The following DSCAM variants were observed in gnomAD, a reference collection of about 807,000 sequenced individuals.
DSCAM encodes the protein DS cell adhesion molecule, also known as cell adhesion molecule DSCAM.
A neutral mutation model predicts 217.7 loss-of-function variants in DSCAM; 47 were observed. That is an observed-to-expected ratio of 0.22 (90% confidence interval 0.17 to 0.28). DSCAM has a LOEUF of 0.28. DSCAM is among the 10% of genes least tolerant of loss of function. The pLI, the probability that DSCAM is intolerant of heterozygous loss-of-function variation, is 1.00. For missense variants in DSCAM, 2,080 were observed against 2,618.3 expected (o/e 0.79, Z 4.49); for synonymous variants, 1,056 against 1,015.3 (o/e 1.04, Z -0.76).
At chr21:40,763,821 C>T (rs563490838) in intron 1 of DSCAM, among the ~76,000 whole-genome samples, 4 of 152,226 alleles carry the variant, frequency 2.6e-5, no homozygotes, top group Admixed American at 2.0e-4. Context: ...CTTTGGAAAA[C>T]GTGACAAGAA....
intron 10 of DSCAM, among the ~76,000 whole-genome samples, chr21:40,278,736 A>AGGAGGAGGAGGAGGAAGAGG (rs1555898222): frequency 1.1e-4 from 17 of 151,548 alleles, no homozygotes; most frequent in South Asian, 2.1e-4. Flanking sequence ...GGAGGAAGAG[A>AGGAGGAGGAGGAGGAAGAGG]AGGAGGAGGA....
chr21:40,032,209 T>C (rs991650424), intron 32 of DSCAM, among the ~76,000 whole-genome samples: 4 of 152,188 alleles, frequency 2.6e-5, no homozygotes, highest in African/African-American at 7.2e-5. Context: ...GTGTGGGAAC[T>C]GTATCCATCT....
At chr21:40,613,785 C>T (rs1381937654) in intron 3 of DSCAM, among the ~76,000 whole-genome samples, 1 of 149,710 alleles carries the variant, frequency 6.7e-6, no homozygotes, top group Non-Finnish European at 1.5e-5. Flanking sequence ...TGCTGATGGG[C>T]TATAATTTAG....
intron 8 of DSCAM, among the ~76,000 whole-genome samples, chr21:40,330,279 TTATTA>T (rs1168638304): frequency 2.7e-5 from 4 of 147,098 alleles, no homozygotes; most frequent in Admixed American, 6.8e-5. Context: ...CAAAATATAT[TTATTA>T]TATTATATGC....
intron 1 of DSCAM, among the ~76,000 whole-genome samples, chr21:40,815,037 C>T (rs1045683140): frequency 6.6e-6 from 1 of 152,196 alleles, no homozygotes; most frequent in South Asian, 2.1e-4. Context: ...ATTTGATCTG[C>T]TTCAGAAAGA....
intron 20 of DSCAM, among the ~76,000 whole-genome samples, chr21:40,118,252 CT>C (rs1384270401): frequency 2.0e-5 from 3 of 152,164 alleles, no homozygotes; most frequent in Non-Finnish European, 4.4e-5. Context: ...AGTGGGAAGG[CT>C]TCTGACTTGG....
intron 25 of DSCAM, among the ~76,000 whole-genome samples, chr21:40,079,909 C>A (rs1196469665): frequency 6.6e-6 from 1 of 152,002 alleles, no homozygotes; most frequent in Non-Finnish European, 1.5e-5. Context: ...CACACCAACG[C>A]CCTTGATTTT....
At chr21:40,353,352 G>T in intron 5 of DSCAM, 113 bp downstream of exon 5, 2 of 1,400,198 alleles carry the variant, frequency 1.4e-6, no homozygotes, top group Non-Finnish European at 1.9e-6. Flanking sequence ...GATCTCAGCT[G>T]GACTGTTTTG....
At chr21:40,491,069 G>A (rs962362729) in intron 3 of DSCAM, among the ~76,000 whole-genome samples, 1 of 152,080 alleles carries the variant, frequency 6.6e-6, no homozygotes, top group Admixed American at 6.6e-5. Flanking sequence ...TAAGATGTTT[G>A]TAAAATTTCA....
intron 3 of DSCAM, among the ~76,000 whole-genome samples, chr21:40,554,603 T>C (rs1002954277): frequency 1.3e-5 from 2 of 152,158 alleles, no homozygotes; most frequent in African/African-American, 4.8e-5. Context: ...AAGTATATAT[T>C]ACAGAGACGG....
chr21:40,360,945 G>A (rs1426610463), intron 4 of DSCAM, among the ~76,000 whole-genome samples: 3 of 152,130 alleles, frequency 2.0e-5, no homozygotes, highest in East Asian at 1.9e-4. Flanking sequence ...GTGTATAAGT[G>A]TTCCCTTTTC....
chr21:40,592,785 G>A (rs1393266004), intron 3 of DSCAM, among the ~76,000 whole-genome samples: 3 of 152,084 alleles, frequency 2.0e-5, no homozygotes, highest in East Asian at 1.9e-4. Context: ...GTATCACCAT[G>A]GATTATATGT....
intron 3 of DSCAM, among the ~76,000 whole-genome samples, chr21:40,386,634 T>C (rs1316581559): frequency 1.3e-5 from 2 of 152,244 alleles, no homozygotes; most frequent in South Asian, 2.1e-4. Context: ...TAACACTTCC[T>C]CGTTAATAAC....
chr21:40,754,817 G>T (rs1411244231), intron 1 of DSCAM, among the ~76,000 whole-genome samples: 1 of 152,218 alleles, frequency 6.6e-6, no homozygotes. Flanking sequence ...GGAGTTGATG[G>T]CAGCCATTGC....
chr21:40,378,582 T>C, intron 3 of DSCAM, among the ~76,000 whole-genome samples: 2 of 12,796 alleles, frequency 1.6e-4, no homozygotes, highest in Non-Finnish European at 2.5e-4. Context: ...TTTTTTTTTT[T>C]TTTTTTTTTT....
chr21:40,844,654 G>C (rs946989438), intron 1 of DSCAM, among the ~76,000 whole-genome samples: 4 of 151,110 alleles, frequency 2.6e-5, no homozygotes, highest in Non-Finnish European at 4.4e-5. Flanking sequence ...TCATATAATT[G>C]TATTACCATA....
At chr21:40,028,808 C>G (rs35104394) in intron 32 of DSCAM, among the ~76,000 whole-genome samples, 30,462 of 152,116 alleles carry the variant, frequency 0.2, 3,266 homozygotes, top group South Asian at 0.34. Context: ...GCGTCGCTCA[C>G]GCTGGGAGCT....
intron 3 of DSCAM, among the ~76,000 whole-genome samples, chr21:40,429,270 CT>C (rs559574795): frequency 2.3e-3 from 326 of 142,110 alleles, no homozygotes; most frequent in East Asian, 7.5e-3. Flanking sequence ...GTTTTTTGTG[CT>C]TTTTTTTTTT....
At chr21:40,442,516 TG>T (rs148585838) in intron 3 of DSCAM, among the ~76,000 whole-genome samples, 19,345 of 65,578 alleles carry the variant, frequency 0.29, 2,138 homozygotes, top group Admixed American at 0.37. Flanking sequence ...ATTTTTTTTT[TG>T]TTTTTTTTTT....
Sources: allele counts gnomAD v4.1 joint callset (sites outside exome capture counted in the v4.1 genomes callset), GRCh38; gene constraint gnomAD v4.1.1; transcripts MANE v1.5; gene names NCBI Gene and HGNC (gene_info 2026-07-23, HGNC 2026-07-21).